CTDSPL2: variants seen among roughly 807,000 people sequenced by gnomAD.
The protein encoded by CTDSPL2 is CTD small phosphatase-like protein 2.
CTDSPL2 carries 5 observed loss-of-function variants against 60.0 expected under a neutral mutation model. The ratio of observed to expected loss-of-function variants is 0.08; its 90% CI spans 0.04 to 0.18. The LOEUF is 0.18. Ranked by LOEUF, CTDSPL2 falls within the 10% of genes least tolerant of loss-of-function variation. The pLI is 1.00. For missense variants in CTDSPL2, 370 were observed against 548.8 expected (o/e 0.67, Z 3.26); for synonymous variants, 186 against 189.3 (o/e 0.98, Z 0.14).
intron 1 of CTDSPL2, among the ~76,000 whole-genome samples, chr15:44,454,852 A>T (rs1224205869): frequency 6.6e-6 from 1 of 152,212 alleles, no homozygotes; most frequent in East Asian, 1.9e-4. Context: ...GTTTGAAGTC[A>T]GGTAGCGTAA....
At chr15:44,514,484 C>T in intron 8 of CTDSPL2, 114 bp from the exon 9 acceptor site, 2 of 697,296 alleles carry the variant, frequency 2.9e-6, no homozygotes. Flanking sequence ...TATTTCTATA[C>T]TTTAAAACAT....
At chr15:44,499,360 G>T (rs1254016158) in intron 7 of CTDSPL2, among the ~76,000 whole-genome samples, 2 of 152,056 alleles carry the variant, frequency 1.3e-5, no homozygotes, top group Admixed American at 1.3e-4. Context: ...AGCTGAGATC[G>T]CACCACTGCA....
chr15:44,527,469 G>C lies in CTDSPL2; in HGVS notation c.*3295G>C, dbSNP rs112495294. ...AAGAAAGCATTTCATTATTCCTACA[G>C]ATCTTTCCTGCGAGCACAGAATTCT... On this transcript the variant is annotated 3_prime_UTR_variant, in exon 13 of 13. Transcript: ENST00000260327. The C allele has an allele frequency of 6.6e-6, 1 of 152,166 alleles. No homozygotes were observed. The highest frequency in any genetic ancestry group is 1.5e-5 in the Non-Finnish European group (1 of 67,964). The allele number at this position is 152,166 out of a possible 1,614,324, so 9.4% of individuals were successfully genotyped here. A position where few individuals can be genotyped will look rare whatever the true frequency, so the allele number is the denominator to read the frequency against.
chr15:44,495,368 G>A (rs1293956102), intron 5 of CTDSPL2, among the ~76,000 whole-genome samples: 1 of 152,006 alleles, frequency 6.6e-6, no homozygotes, highest in Non-Finnish European at 1.5e-5. Flanking sequence ...GGATCATGAG[G>A]TCAGGAGATC....
chr15:44,515,653 C>T (rs772460275), intron 10 of CTDSPL2, among the ~76,000 whole-genome samples: 60 of 152,036 alleles, frequency 3.9e-4, no homozygotes, highest in Non-Finnish European at 7.8e-4. Context: ...GGCTAATCAC[C>T]TGAGGTCAGG....
At position 44,499,252 on chromosome 15, in the gene CTDSPL2, A is replaced by G. The variant is rs1364971592; in HGVS notation, c.883-475A>G. On this transcript the variant is annotated intron_variant, in intron 7 of 12. Transcript: ENST00000260327. The stretch of plus-strand genomic sequence containing the variant: ...AAACCCTGTCTCTACTAAAAATACA[A>G]AAATTAGCCAGACGTGATTGCTGGC... Among the ~76,000 whole-genome samples the G allele has an allele frequency of 2.6e-5, 4 of 152,124 alleles. No homozygotes were observed. The East Asian group carries it at 7.7e-4, about 29-fold the overall frequency.
intron 8 of CTDSPL2, among the ~76,000 whole-genome samples, chr15:44,502,474 A>G (rs1377857421): frequency 6.6e-6 from 1 of 152,122 alleles, no homozygotes; most frequent in Admixed American, 6.6e-5. Flanking sequence ...GGGGTTGGCA[A>G]CCTTTTTCTA....
intron 1 of CTDSPL2, among the ~76,000 whole-genome samples, chr15:44,458,138 C>T (rs1385024892): frequency 2.0e-5 from 3 of 152,054 alleles, no homozygotes. Flanking sequence ...CATTTTGAGC[C>T]TCAGAATGGT....
At position 44,528,696 on chromosome 15, in the gene CTDSPL2, C is replaced by T. The variant is rs2081905369; in HGVS notation, c.*4522C>T. The stretch of plus-strand genomic sequence containing the variant: ...TAAAGGACATGTCCCTGAATGAGAC[C>T]ATTATATATATTATCTGTAAAATAT... On this transcript the variant is annotated 3_prime_UTR_variant, in exon 13 of 13. Transcript: ENST00000260327. 6.6e-6 allele frequency: 1 copy of T among 151,834 alleles called. No homozygotes were observed. The highest frequency in any genetic ancestry group is 1.5e-5 in the Non-Finnish European group (1 of 67,958). The allele number at this position is 151,834 out of a possible 1,614,324, so 9.4% of individuals were successfully genotyped here.
intron 8 of CTDSPL2, among the ~76,000 whole-genome samples, chr15:44,502,218 A>C (rs2140836895): frequency 6.6e-6 from 1 of 152,128 alleles, no homozygotes; most frequent in South Asian, 2.1e-4. Flanking sequence ...GTGTATCTGT[A>C]TTATTCTTGA....
At chr15:44,505,573 A>G (rs1479792112) in intron 8 of CTDSPL2, among the ~76,000 whole-genome samples, 2 of 151,718 alleles carry the variant, frequency 1.3e-5, no homozygotes, top group East Asian at 1.9e-4. Context: ...TGTCTCTACT[A>G]AAAAAAAGAA....
intron 1 of CTDSPL2, among the ~76,000 whole-genome samples, chr15:44,442,159 C>A (rs562554685): frequency 1.6e-4 from 25 of 152,154 alleles, no homozygotes; most frequent in African/African-American, 6.0e-4. Flanking sequence ...GGGGAAAAAA[C>A]ATATATTGTG....
rs2080986865 is a variant in CTDSPL2, at chr15:44,479,500, G to A, written c.187-4724G>A. ...TGGCTCACTGCAGTCTCAAACTCCT[G>A]TGCTCAGGTGATCCTCTTGCCTCAG... On this transcript the variant is annotated intron_variant, in intron 2 of 12. Transcript: ENST00000260327. Among the ~76,000 whole-genome samples the A allele has an allele frequency of 2.2e-5, 3 of 136,076 alleles. No individual in the cohort carries two copies. In the Admixed American group the frequency reaches 2.6e-4, roughly 12 times the overall value. 89.3% of individuals were successfully genotyped at this position (136,076 alleles called of 152,430 possible).
intron 2 of CTDSPL2, among the ~76,000 whole-genome samples, chr15:44,473,701 A>G (rs1242518698): frequency 1.3e-5 from 2 of 152,164 alleles, no homozygotes; most frequent in African/African-American, 4.8e-5. Flanking sequence ...ATTATTTTGC[A>G]TGTTCATTTT....
intron 1 of CTDSPL2, among the ~76,000 whole-genome samples, chr15:44,433,287 C>G (rs1029132684): frequency 6.8e-6 from 1 of 148,124 alleles, no homozygotes; most frequent in Non-Finnish European, 1.5e-5. Context: ...CCATTGCACT[C>G]CAGTCTTCCA....
chr15:44,505,416 C>A (rs1253332375), intron 8 of CTDSPL2, among the ~76,000 whole-genome samples: 4 of 150,820 alleles, frequency 2.7e-5, no homozygotes, highest in African/African-American at 9.8e-5. Context: ...GAGAGCCAGT[C>A]TCAAAAAGAA....
At position 44,491,729 on chromosome 15, in the gene CTDSPL2, C is replaced by T. The variant is rs748038899; in HGVS notation, c.691+730C>T. Among the ~76,000 whole-genome samples, 7 of 152,156 alleles carry T rather than the reference C, an allele frequency of 4.6e-5. No homozygotes were observed. The South Asian group carries it at 6.2e-4, about 14-fold the overall frequency. ...TTGTGGTACCAGGTATTTGAGAGAG[C>T]GCAGTAAATATATATTAGTTAAGAA... On this transcript the variant is annotated intron_variant, in intron 5 of 12. Coordinates refer to ENST00000260327, the MANE Select transcript of CTDSPL2 (RefSeq NM_016396.3).
rs190526716 is a variant in CTDSPL2, at chr15:44,452,794, T to C, written c.-24-6197T>C. Among the ~76,000 whole-genome samples, 3 of 152,324 alleles carry C rather than the reference T, an allele frequency of 2.0e-5. No homozygotes were observed. In the East Asian group the frequency reaches 5.8e-4, roughly 29 times the overall value. ...TAACTTAAAATTCTTATGAATAATATTGAGTATCATTTTTTATGCTATCAC... is the reference window on the plus strand; with the variant it reads ...TAACTTAAAATTCTTATGAATAATACTGAGTATCATTTTTTATGCTATCAC... On this transcript the variant is annotated intron_variant, in intron 1 of 12. Transcript: ENST00000260327.
intron 1 of CTDSPL2, among the ~76,000 whole-genome samples, chr15:44,455,946 G>T (rs2080429390): frequency 6.9e-6 from 1 of 144,794 alleles, no homozygotes; most frequent in Non-Finnish European, 1.5e-5. Context: ...GCCCCCTGGG[G>T]TTCACGCCAT....
Sources: allele counts gnomAD v4.1 joint callset (sites outside exome capture counted in the v4.1 genomes callset), GRCh38; gene constraint gnomAD v4.1.1; transcripts MANE v1.5; gene names NCBI Gene and HGNC (gene_info 2026-07-23, HGNC 2026-07-21).